SIRT4: variants seen among roughly 807,000 people sequenced by gnomAD.
SIRT4 encodes NAD-dependent protein lipoamidase sirtuin-4, mitochondrial.
Under a neutral mutation model 26.1 loss-of-function variants are expected in SIRT4, and 23 were observed. The ratio of observed to expected loss-of-function variants is 0.88; its 90% CI spans 0.63 to 1.25. The LOEUF (loss-of-function observed/expected upper bound fraction) is 1.25, where lower values mean the gene tolerates loss of function less well. Ranked by LOEUF, SIRT4 falls within the 50% of genes most tolerant of loss-of-function variation. The probability of loss-of-function intolerance (pLI) is 0.00; values close to 1 mark genes in which losing one functional copy is unlikely to be tolerated. For synonymous variants in SIRT4, 155 were observed against 158.4 expected (o/e 0.98, Z 0.16); for missense variants, 361 against 405.4 (o/e 0.89, Z 0.94).
At chr12:120,312,815 C>G (rs1003982334) in intron 3 of SIRT4, 65 bp downstream of exon 3, 2 of 1,607,530 alleles carry the variant, frequency 1.2e-6, no homozygotes, top group African/African-American at 2.7e-5. Context: ...GAGAGACACC[C>G]TGTTTGGTTT....
chr12:120,292,970 A>T, the SIRT4 span: 1 of 152,212 alleles, frequency 6.6e-6, no homozygotes, highest in Admixed American at 6.5e-5. Flanking sequence ...CTCGCGAATC[A>T]GCTGGTAAGA....
At position 120,312,758 on chromosome 12, in the gene SIRT4, AC is replaced by A. The variant is rs760447317; in HGVS notation, c.792+9del. ...GTGGGATCATCCTTGCAGGTATCTG[AC>A]TTGGCAAGAGTGGTAACCACCCCTT... On this transcript the variant is annotated intron_variant, in intron 3 of 3. Transcript: ENST00000202967. 102 of 1,610,366 alleles carry A rather than the reference AC, an allele frequency of 6.3e-5. No homozygotes were observed. The highest frequency in any genetic ancestry group is 5.0e-4 in the African/African-American group (37 of 74,694).
At chr12:120,309,893 T>G (rs926073642) in intron 2 of SIRT4, among the ~76,000 whole-genome samples, 1 of 151,630 alleles carries the variant, frequency 6.6e-6, no homozygotes, top group African/African-American at 2.4e-5. Context: ...TTTTTTTGTA[T>G]TTTTGTAGAG....
chr12:120,306,599 C>G (rs564413920), intron 2 of SIRT4, among the ~76,000 whole-genome samples: 2 of 152,124 alleles, frequency 1.3e-5, no homozygotes, highest in African/African-American at 4.8e-5. Context: ...GTCAGGAGTT[C>G]GAGACCATCC....
the SIRT4 span, chr12:120,293,236 C>G: frequency 3.3e-5 from 5 of 152,306 alleles, no homozygotes; most frequent in East Asian, 3.9e-4. Flanking sequence ...CTGCGCAAAG[C>G]TAATTTGTTA....
chr12:120,309,909 G>A (rs1872893592), intron 2 of SIRT4, among the ~76,000 whole-genome samples: 1 of 150,564 alleles, frequency 6.6e-6, no homozygotes, highest in African/African-American at 2.5e-5. Flanking sequence ...TAGAGACAGG[G>A]TATCACCATG....
At chr12:120,302,816 T>C (rs1360742060) in intron 1 of SIRT4, among the ~76,000 whole-genome samples, 2 of 147,750 alleles carry the variant, frequency 1.4e-5, no homozygotes, top group African/African-American at 5.0e-5. Context: ...GCCTCCCGGG[T>C]TCAAGCAATT....
chr12:120,302,017 C>T (rs1314195883), upstream of SIRT4, among the ~76,000 whole-genome samples: 1 of 131,462 alleles, frequency 7.6e-6, no homozygotes, highest in East Asian at 2.2e-4. Context: ...CACTGCACTC[C>T]AGACTGGAGT....
the SIRT4 span, among the ~76,000 whole-genome samples, chr12:120,292,329 G>A: frequency 1.3e-5 from 2 of 152,198 alleles, no homozygotes; most frequent in Admixed American, 6.5e-5. Flanking sequence ...ACGGCTGGGC[G>A]CGGTGGCTCA....
the SIRT4 span, among the ~76,000 whole-genome samples, chr12:120,294,859 G>T: frequency 7.0e-6 from 1 of 142,294 alleles, no homozygotes; most frequent in South Asian, 2.2e-4. Flanking sequence ...GGGGAGTCTC[G>T]CTCTGTTGCC....
chr12:120,295,562 CCT>C, the SIRT4 span, among the ~76,000 whole-genome samples: 9 of 150,898 alleles, frequency 6.0e-5, no homozygotes, highest in African/African-American at 1.7e-4. Context: ...GCGCCTGGCC[CCT>C]GTTTTCTATT....
upstream of SIRT4, chr12:120,302,305 C>G (rs2136826447): frequency 6.6e-6 from 1 of 152,256 alleles, no homozygotes; most frequent in Non-Finnish European, 1.5e-5. Context: ...GCTTTCTGGA[C>G]TACATGTCCC....
upstream of SIRT4, among the ~76,000 whole-genome samples, chr12:120,302,161 A>G (rs141042414): frequency 3.9e-3 from 590 of 152,286 alleles, 1 homozygote; most frequent in Non-Finnish European, 6.9e-3. Context: ...AAAATCCATG[A>G]TTAAAAGCTT....
chr12:120,293,114 A>T, the SIRT4 span: 1 of 152,166 alleles, frequency 6.6e-6, no homozygotes, highest in Non-Finnish European at 1.5e-5. Flanking sequence ...AGAGACTGTC[A>T]AAAATTGCCA....
intron 2 of SIRT4, among the ~76,000 whole-genome samples, chr12:120,308,533 C>T (rs1298638178): frequency 6.6e-6 from 1 of 152,054 alleles, no homozygotes; most frequent in African/African-American, 2.4e-5. Context: ...TAGGCAAGAG[C>T]GGGAAACAGG....
At chr12:120,295,277 C>T in the SIRT4 span, among the ~76,000 whole-genome samples, 2 of 146,104 alleles carry the variant, frequency 1.4e-5, no homozygotes, top group African/African-American at 5.0e-5. Context: ...TGCAAAGGCG[C>T]AATCTCAGCT....
At chr12:120,291,799 T>C in the SIRT4 span, 9 of 152,224 alleles carry the variant, frequency 5.9e-5, no homozygotes, top group Admixed American at 1.3e-4. Context: ...CAATGCCGAC[T>C]ATATTTCAAG....
At chr12:120,296,508 T>C in the SIRT4 span, among the ~76,000 whole-genome samples, 1 of 107,352 alleles carries the variant, frequency 9.3e-6, no homozygotes, top group Admixed American at 1.0e-4. Context: ...TTTTGTGTTT[T>C]TTTTTTTGTT....
Position 120,312,732 on chromosome 12 carries a change from G to A in SIRT4, c.774G>A (p.Val258=), listed in dbSNP as rs192202738. The part of the protein sequence containing the change: ...KRVKEADSLL[V]VGSSLQVYSG... ...TAAAAGAAGCCGACTCCCTCTTGGT[G>A]GTGGGATCATCCTTGCAGGTATCTG... is the stretch of plus-strand genomic sequence containing the variant. The change falls in exon 3 of 4, where the codon GTG becomes GTA. Residue 258 remains valine (V), a synonymous_variant. Transcript: ENST00000202967. The A allele has an allele frequency of 1.2e-6, 2 of 1,613,494 alleles. No individual in the cohort carries two copies. The highest frequency in any genetic ancestry group is 2.2e-5 in the East Asian group (1 of 44,888).
Sources: gnomAD v4.1 joint callset for allele counts (sites outside exome capture counted in the v4.1 genomes callset) on GRCh38, gnomAD v4.1.1 for gene constraint, MANE v1.5 for transcripts, NCBI Gene and HGNC (gene_info 2026-07-23, HGNC 2026-07-21) for gene names.